The following NLGN1 variants were observed in gnomAD, a reference collection of about 807,000 sequenced individuals.
NLGN1 encodes the protein neuroligin 1, also known as neuroligin-1.
In NLGN1, 12 loss-of-function variants were observed where a neutral mutation model predicts 65.5. The ratio of observed to expected loss-of-function variants is 0.18; its 90% CI spans 0.12 to 0.30. NLGN1 has a LOEUF of 0.30. Ranked by LOEUF, NLGN1 falls within the 10% of genes least tolerant of loss-of-function variation. NLGN1 has a pLI of 1.00. For synonymous variants in NLGN1, 350 were observed against 359.5 expected, an observed-to-expected ratio of 0.97 and a Z score of 0.30; for missense variants, 750 against 1,007.1, an observed-to-expected ratio of 0.74 and a Z score of 3.46.
rs761468491 is a variant in NLGN1, at chr3:174,066,564, C to CTGTG, written c.647-208727_647-208724dup. Among the ~76,000 whole-genome samples the CTGTG allele has an allele frequency of 1.7e-3, 166 of 100,082 alleles. 3 individuals are homozygous for CTGTG. Among genetic ancestry groups the CTGTG allele is most frequent in the East Asian group, 0.01 (29 of 2,896 alleles). The allele number at this position is 100,082 out of a possible 152,430, so 65.7% of individuals were successfully genotyped here. On this transcript the variant is annotated intron_variant, in intron 4 of 6. Coordinates refer to ENST00000457714, the Ensembl canonical transcript of NLGN1. ...TCTCTCTCTCTCTCTCTCTCTCTCTCTGTGTGTGTGTGTGTGTGTGTGTGT... is the reference window on the plus strand; with the variant it reads ...TCTCTCTCTCTCTCTCTCTCTCTCTCTGTGTGTGTGTGTGTGTGTGTGTGTGTGT...
chr3:174,159,620 G>C (rs1464155501), intron 4 of NLGN1, among the ~76,000 whole-genome samples: 1 of 151,594 alleles, frequency 6.6e-6, no homozygotes, highest in East Asian at 1.9e-4. Context: ...ATAAAGAGAA[G>C]ATCACACAGA....
chr3:173,627,547 T>A (rs1755016999), intron 3 of NLGN1, among the ~76,000 whole-genome samples: 1 of 152,152 alleles, frequency 6.6e-6, no homozygotes, highest in African/African-American at 2.4e-5. Context: ...TTCCCATGGA[T>A]ATATCTACCC....
chr3:174,252,556 A>C (rs1319891997), intron 4 of NLGN1, among the ~76,000 whole-genome samples: 2 of 152,162 alleles, frequency 1.3e-5, no homozygotes, highest in Non-Finnish European at 2.9e-5. Context: ...GGTCCTAACC[A>C]GCTATGTGAT....
intron 3 of NLGN1, among the ~76,000 whole-genome samples, chr3:173,730,530 G>C (rs1337780077): frequency 2.0e-5 from 3 of 151,748 alleles, no homozygotes; most frequent in Non-Finnish European, 2.9e-5. Context: ...TGAAATTTCA[G>C]TGGTATTTTA....
At chr3:174,099,922 G>A (rs937214686) in intron 4 of NLGN1, among the ~76,000 whole-genome samples, 1 of 152,150 alleles carries the variant, frequency 6.6e-6, no homozygotes, top group Non-Finnish European at 1.5e-5. Context: ...GTTTTGCTGA[G>A]TCAGGGATTT....
chr3:173,973,296 C>T (rs192253938), intron 4 of NLGN1, among the ~76,000 whole-genome samples: 3 of 152,134 alleles, frequency 2.0e-5, no homozygotes, highest in Non-Finnish European at 2.9e-5. Flanking sequence ...GACAATTGCC[C>T]GCTTAGTAGC....
rs148042504 is a variant in NLGN1 at position 174,232,100 on chromosome 3, T to A, written c.647-43215T>A. On this transcript the variant is annotated intron_variant, in intron 4 of 6. Coordinates refer to ENST00000457714, the Ensembl canonical transcript of NLGN1. The stretch of plus-strand genomic sequence containing the variant: ...AACATGGCTGTTTACTTCACCTGGG[T>A]GCAGGCGGGCTGAGTCCGAAAAGAG... 3.0e-3 allele frequency among the ~76,000 whole-genome samples: 451 copies of A among 152,260 alleles called. 4 individuals are homozygous for A. The highest frequency in any genetic ancestry group is 0.01 in the African/African-American group (419 of 41,554).
intron 4 of NLGN1, among the ~76,000 whole-genome samples, chr3:174,027,065 T>A (rs28552735): frequency 0.031 from 3,840 of 122,876 alleles, 51 homozygotes; most frequent in Middle Eastern, 0.041. Flanking sequence ...TTCAATTTTT[T>A]TAAAAAAAAA....
intron 2 of NLGN1, among the ~76,000 whole-genome samples, chr3:173,569,736 A>G (rs1744319533): frequency 6.6e-6 from 1 of 152,116 alleles, no homozygotes; most frequent in Admixed American, 6.5e-5. Context: ...TCATGGTCCT[A>G]GAAGTTTTAA....
intron 4 of NLGN1, among the ~76,000 whole-genome samples, chr3:174,042,873 A>T (rs944827432): frequency 1.3e-5 from 2 of 152,160 alleles, no homozygotes; most frequent in African/African-American, 4.8e-5. Context: ...CCAGTGTGCT[A>T]TGATGCCCTG....
At chr3:173,578,235 CA>C (rs34436890) in intron 2 of NLGN1, among the ~76,000 whole-genome samples, 119 of 128,474 alleles carry the variant, frequency 9.3e-4, no homozygotes, top group Middle Eastern at 4.1e-3. Flanking sequence ...GACTCCGTCT[CA>C]AAAAAAAAAA....
intron 4 of NLGN1, among the ~76,000 whole-genome samples, chr3:173,864,698 T>TA (rs1490401039): frequency 3.9e-5 from 6 of 152,218 alleles, no homozygotes; most frequent in African/African-American, 1.4e-4. Context: ...AACTGAAACT[T>TA]ACACGCAGGC....
intron 4 of NLGN1, among the ~76,000 whole-genome samples, chr3:173,851,603 T>C (rs920388174): frequency 1.3e-5 from 2 of 152,224 alleles, no homozygotes; most frequent in South Asian, 2.1e-4. Context: ...CCCTTCTTTC[T>C]ATATTTATGT....
At chr3:173,500,426 T>C (rs1039612499) in intron 2 of NLGN1, among the ~76,000 whole-genome samples, 1 of 152,152 alleles carries the variant, frequency 6.6e-6, no homozygotes, top group Non-Finnish European at 1.5e-5. Context: ...TGGATAAGCT[T>C]TTTGATGTGT....
At chr3:173,563,860 C>T (rs1442609086) in intron 2 of NLGN1, among the ~76,000 whole-genome samples, 1 of 152,136 alleles carries the variant, frequency 6.6e-6, no homozygotes, top group Non-Finnish European at 1.5e-5. Context: ...CATCTTTGTC[C>T]CTCTACAACC....
At chr3:174,076,264 AAAG>A (rs1322227512) in intron 4 of NLGN1, among the ~76,000 whole-genome samples, 3 of 152,154 alleles carry the variant, frequency 2.0e-5, no homozygotes, top group Non-Finnish European at 4.4e-5. Context: ...GTATATATGA[AAAG>A]AAATGCTATG....
intron 2 of NLGN1, among the ~76,000 whole-genome samples, chr3:173,539,205 T>C (rs764897888): frequency 6.6e-6 from 1 of 151,846 alleles, no homozygotes; most frequent in Non-Finnish European, 1.5e-5. Flanking sequence ...AAATCATACC[T>C]AGCTCTTTTC....
intron 4 of NLGN1, among the ~76,000 whole-genome samples, chr3:174,187,994 T>C (rs1259940440): frequency 6.6e-6 from 1 of 152,050 alleles, no homozygotes; most frequent in Non-Finnish European, 1.5e-5. Flanking sequence ...CAACATATTT[T>C]GCATGAATAT....
intron 4 of NLGN1, among the ~76,000 whole-genome samples, chr3:174,016,224 C>G (rs1726520223): frequency 6.6e-6 from 1 of 152,176 alleles, no homozygotes; most frequent in African/African-American, 2.4e-5. Context: ...CTAGAAATGT[C>G]TGTTTGCTGA....
Sources: gnomAD v4.1 joint callset for allele counts (sites outside exome capture counted in the v4.1 genomes callset) on GRCh38, gnomAD v4.1.1 for gene constraint, MANE v1.5 for transcripts, NCBI Gene and HGNC (gene_info 2026-07-23, HGNC 2026-07-21) for gene names.